PCDH15: variants seen among roughly 807,000 people sequenced by gnomAD.
The protein encoded by PCDH15 is protocadherin-15.
Under a neutral mutation model 178.5 loss-of-function variants are expected in PCDH15, and 129 were observed. The observed-to-expected ratio is 0.72, with a 90% CI of 0.63 to 0.84. The LOEUF is 0.84. PCDH15 is among the 40% of genes least tolerant of loss of function. The pLI is 0.00. For synonymous variants in PCDH15, 800 were observed against 732.0 expected, an observed-to-expected ratio of 1.09 and a Z score of -1.50; for missense variants, 2,230 against 2,099.9, an observed-to-expected ratio of 1.06 and a Z score of -1.21.
intron 14 of PCDH15, among the ~76,000 whole-genome samples, chr10:54,134,668 G>T (rs1485318541): frequency 6.6e-6 from 1 of 151,120 alleles, no homozygotes; most frequent in Non-Finnish European, 1.5e-5. Flanking sequence ...CAGGAGAATG[G>T]TGTGAACCCA....
chr10:54,549,047 C>T (rs985148973), intron 2 of PCDH15, among the ~76,000 whole-genome samples: 2 of 151,668 alleles, frequency 1.3e-5, no homozygotes, highest in Non-Finnish European at 2.9e-5. Context: ...GCTATAATTT[C>T]GGCAATACCA....
At chr10:55,157,819 G>C (rs12220925) in intron 2 of PCDH15, among the ~76,000 whole-genome samples, 60,651 of 151,410 alleles carry the variant, frequency 0.4, 12,821 homozygotes, top group African/African-American at 0.54. Context: ...GTGGGGGAAG[G>C]GGGGAGGGAT....
intron 3 of PCDH15, among the ~76,000 whole-genome samples, chr10:54,886,149 C>G (rs1591763129): frequency 6.9e-6 from 1 of 145,890 alleles, no homozygotes. Flanking sequence ...ATTATTACAT[C>G]AAAAGTTAAT....
rs1448397345 is a variant in PCDH15, at chr10:54,153,295, TG to T, written c.1591-3del. The T allele has an allele frequency of 1.2e-6, 2 of 1,613,706 alleles. No individual in the cohort carries two copies. The highest frequency in any genetic ancestry group is 3.3e-5 in the Admixed American group (2 of 59,978). ...TTCGTCTGCGTCGACTGCAGTGAGC[TG>T]GAATTGAAAATCACAACATAAATCC... On this transcript the variant is annotated splice_region_variant and splice_polypyrimidine_tract_variant and intron_variant, in intron 13 of 37. Coordinates refer to ENST00000644397, the MANE Select transcript of PCDH15 (RefSeq NM_001384140.1).
intron 3 of PCDH15, among the ~76,000 whole-genome samples, chr10:54,872,427 T>C (rs1392440482): frequency 1.3e-5 from 2 of 152,142 alleles, no homozygotes; most frequent in Non-Finnish European, 2.9e-5. Flanking sequence ...AATATATATC[T>C]ACTTAAAATA....
intron 2 of PCDH15, among the ~76,000 whole-genome samples, chr10:54,625,029 G>A (rs2093501769): frequency 6.6e-6 from 1 of 152,162 alleles, no homozygotes; most frequent in Admixed American, 6.5e-5. Flanking sequence ...ACCCCACTGG[G>A]TCCGTAGAAA....
intron 25 of PCDH15, among the ~76,000 whole-genome samples, chr10:53,917,945 G>A (rs929885170): frequency 6.6e-6 from 1 of 152,026 alleles, no homozygotes; most frequent in Non-Finnish European, 1.5e-5. Flanking sequence ...GCCATATAAC[G>A]CACTGGCTCT....
rs543750439 is a variant in PCDH15, at chr10:55,110,096, C to T, written c.-80+56480G>A. Among the ~76,000 whole-genome samples the T allele has an allele frequency of 4.5e-4, 68 of 151,758 alleles. 1 individual carries two copies. The highest frequency in any genetic ancestry group is 6.8e-3 in the Middle Eastern group (2 of 292). On this transcript the variant is annotated intron_variant, in intron 2 of 5. Coordinates refer to the PCDH15 transcript ENST00000458638. Reference sequence around the variant, plus strand: ...TAAAGTTTATTAATATTCTAAATAACATTTTAAATGCCTGTGTAATATTAT... The same window carrying T: ...TAAAGTTTATTAATATTCTAAATAATATTTTAAATGCCTGTGTAATATTAT...
intron 1 of PCDH15, among the ~76,000 whole-genome samples, chr10:54,723,251 T>G (rs1226125529): frequency 8.6e-6 from 1 of 116,934 alleles, no homozygotes; most frequent in African/African-American, 3.5e-5. Context: ...AAGCACACAC[T>G]TACAATCAGT....
chr10:53,827,257 A>C, intron 32 of PCDH15, 136 bp downstream of exon 32: 1 of 1,274,234 alleles, frequency 7.8e-7, no homozygotes, highest in Non-Finnish European at 1.0e-6. Context: ...CGTCTTAACA[A>C]ATTTTCTCTT....
intron 1 of PCDH15, among the ~76,000 whole-genome samples, chr10:55,248,984 C>T (rs1841759246): frequency 6.6e-6 from 1 of 152,094 alleles, no homozygotes; most frequent in Non-Finnish European, 1.5e-5. Flanking sequence ...ACAGCCAAGT[C>T]ATATTTAAAG....
At chr10:54,037,985 G>T (rs2093456817) in intron 18 of PCDH15, among the ~76,000 whole-genome samples, 1 of 151,866 alleles carries the variant, frequency 6.6e-6, no homozygotes, top group African/African-American at 2.4e-5. Context: ...ATGATACTGA[G>T]AAGTCATAAA....
chr10:54,853,310 T>TACACACATATACAC (rs1453779024), intron 3 of PCDH15, among the ~76,000 whole-genome samples: 54 of 99,152 alleles, frequency 5.4e-4, no homozygotes, highest in African/African-American at 1.9e-3. Flanking sequence ...TATATATATA[T>TACACACATATACAC]ATATATATAC....
intron 2 of PCDH15, among the ~76,000 whole-genome samples, chr10:55,135,375 C>T (rs75263233): frequency 0.014 from 2,188 of 151,874 alleles, 18 homozygotes; most frequent in African/African-American, 0.026. Context: ...TTTTGGACCT[C>T]ATGCTAATTT....
At position 54,346,501 on chromosome 10, in the gene PCDH15, T is replaced by C; in HGVS notation, c.475-17A>G. 6.2e-7 allele frequency: 1 copy of C among 1,612,700 alleles called. No homozygotes were observed. Among genetic ancestry groups the C allele is most frequent in the Non-Finnish European group, 8.5e-7 (1 of 1,179,698 alleles). On this transcript the variant is annotated splice_polypyrimidine_tract_variant and intron_variant, in intron 5 of 37. Transcript: ENST00000644397. ...TGGAGTGAGCTGAAAGGAAAAAAGA[T>C]TTTAAATATCAATTTTCATTTTATC...
intron 2 of PCDH15, among the ~76,000 whole-genome samples, chr10:55,602,680 G>C (rs990471536): frequency 4.6e-5 from 7 of 152,106 alleles, no homozygotes; most frequent in African/African-American, 1.4e-4. Context: ...TGAGGGTCCT[G>C]TCTGTTAGAA....
intron 2 of PCDH15, among the ~76,000 whole-genome samples, chr10:55,159,197 T>TA (rs941605096): frequency 3.3e-5 from 5 of 151,442 alleles, no homozygotes; most frequent in African/African-American, 4.9e-5. Context: ...GCACCACTCA[T>TA]AAAAAAAATT....
At chr10:54,507,493 G>A (rs1321193018) in intron 3 of PCDH15, among the ~76,000 whole-genome samples, 1 of 151,708 alleles carries the variant, frequency 6.6e-6, no homozygotes, top group Non-Finnish European at 1.5e-5. Context: ...TAGGAACACA[G>A]TATGGTATAT....
chr10:55,389,168 G>A (rs1289436745), intron 2 of PCDH15, among the ~76,000 whole-genome samples: 1 of 152,176 alleles, frequency 6.6e-6, no homozygotes, highest in South Asian at 2.1e-4. Flanking sequence ...CCCTAAGGGA[G>A]AGTTTAAAAA....
Sources: allele counts gnomAD v4.1 joint callset (sites outside exome capture counted in the v4.1 genomes callset), GRCh38; gene constraint gnomAD v4.1.1; transcripts MANE v1.5; gene names NCBI Gene and HGNC (gene_info 2026-07-23, HGNC 2026-07-21).